Variants in APPL2 observed in about 807,000 individuals in gnomAD.
The protein encoded by APPL2 is DCC-interacting protein 13-beta.
In APPL2, 84 loss-of-function variants were observed where a neutral mutation model predicts 92.7. The observed-to-expected ratio is 0.91, with a 90% CI of 0.76 to 1.09. APPL2 has a LOEUF of 1.09. Ranked by LOEUF, APPL2 falls within the 50% of genes least tolerant of loss-of-function variation. APPL2 has a pLI of 0.00. For missense variants in APPL2, 736 were observed against 824.5 expected (o/e 0.89, Z 1.31); for synonymous variants, 291 against 291.0 (o/e 1.00, Z 0.00).
chr12:105,192,534 TA>T (rs1887304384), intron 14 of APPL2, among the ~76,000 whole-genome samples: 2 of 142,640 alleles, frequency 1.4e-5, no homozygotes, highest in African/African-American at 5.2e-5. Flanking sequence ...GTTCCTCAGA[TA>T]TACTAAGATC....
At chr12:105,222,559 G>T (rs1180276333) in intron 2 of APPL2, among the ~76,000 whole-genome samples, 2 of 152,126 alleles carry the variant, frequency 1.3e-5, no homozygotes, top group Admixed American at 6.5e-5. Flanking sequence ...ATATGAATTT[G>T]GAAATGACAA....
At chr12:105,218,604 C>T (rs567344985) in intron 2 of APPL2, among the ~76,000 whole-genome samples, 3 of 152,142 alleles carry the variant, frequency 2.0e-5, no homozygotes, top group African/African-American at 7.2e-5. Context: ...TGAAGTGGAG[C>T]GTGGCTGGGG....
intron 4 of APPL2, among the ~76,000 whole-genome samples, chr12:105,214,501 T>C (rs575729907): frequency 1.4e-4 from 22 of 152,372 alleles, no homozygotes; most frequent in Admixed American, 1.3e-3. Context: ...GTATCTTTTA[T>C]CCATTTCAAC....
At chr12:105,231,748 C>A (rs536706668) in intron 1 of APPL2, among the ~76,000 whole-genome samples, 1 of 152,204 alleles carries the variant, frequency 6.6e-6, no homozygotes, top group African/African-American at 2.4e-5. Context: ...TTCCTTATAT[C>A]GTGGAAATGC....
At chr12:105,222,553 G>T (rs145371793) in intron 2 of APPL2, among the ~76,000 whole-genome samples, 2 of 152,310 alleles carry the variant, frequency 1.3e-5, no homozygotes, top group East Asian at 3.9e-4. Flanking sequence ...GAGGGGATAT[G>T]AATTTGGAAA....
At chr12:105,223,201 G>A (rs1267412832) in intron 2 of APPL2, among the ~76,000 whole-genome samples, 2 of 152,168 alleles carry the variant, frequency 1.3e-5, no homozygotes, top group East Asian at 1.9e-4. Context: ...AGGGGAAGAC[G>A]TCTTCCTGAC....
intron 20 of APPL2, among the ~76,000 whole-genome samples, chr12:105,175,101 CT>C (rs1165597132): frequency 1.2e-4 from 19 of 152,162 alleles, no homozygotes; most frequent in South Asian, 8.3e-4. Flanking sequence ...CCAGGCTGGT[CT>C]TGAACTCCTG....
chr12:105,194,885 C>A (rs1887508310), intron 14 of APPL2, among the ~76,000 whole-genome samples: 1 of 151,716 alleles, frequency 6.6e-6, no homozygotes, highest in Non-Finnish European at 1.5e-5. Flanking sequence ...ACATAAAAGG[C>A]GATTTTTTTT....
chr12:105,174,496 C>G (rs758370948), intron 20 of APPL2, 48 bp from the exon 21 acceptor site: 7 of 1,577,800 alleles, frequency 4.4e-6, no homozygotes, highest in Non-Finnish European at 6.0e-6. Context: ...GCTTAAGATG[C>G]ATTTAAACCC....
intron 5 of APPL2, among the ~76,000 whole-genome samples, chr12:105,208,743 G>A (rs144724874): frequency 2.1e-4 from 32 of 152,190 alleles, no homozygotes; most frequent in African/African-American, 5.8e-4. Flanking sequence ...CTATTACTCC[G>A]AGTGAGTGCC....
chr12:105,179,284 G>A (rs960054068), intron 17 of APPL2, among the ~76,000 whole-genome samples: 2 of 152,160 alleles, frequency 1.3e-5, no homozygotes, highest in Admixed American at 1.3e-4. Context: ...ATGGTTTCCA[G>A]CTTCATCCAT....
intron 17 of APPL2, among the ~76,000 whole-genome samples, chr12:105,183,590 T>C (rs1886326926): frequency 6.6e-6 from 1 of 152,212 alleles, no homozygotes; most frequent in African/African-American, 2.4e-5. Flanking sequence ...GTGCCCCCAC[T>C]CTTTTCTGGG....
intron 1 of APPL2, 145 bp from the exon 2 acceptor site, chr12:105,229,368 T>C (rs1890754537): frequency 1.1e-6 from 1 of 870,472 alleles, no homozygotes; most frequent in Non-Finnish European, 1.7e-6. Flanking sequence ...CTTTTATTGA[T>C]AGTACCAGTA....
At chr12:105,204,324 C>T (rs1888512559) in intron 8 of APPL2, among the ~76,000 whole-genome samples, 1 of 152,188 alleles carries the variant, frequency 6.6e-6, no homozygotes. Context: ...ATTAACCCGG[C>T]TCGTCTGTCT....
chr12:105,206,996 C>T lies in APPL2; in HGVS notation c.621+65G>A, dbSNP rs1888756215. On this transcript the variant is annotated intron_variant, in intron 8 of 20. Coordinates refer to ENST00000258530, the MANE Select transcript of APPL2 (RefSeq NM_018171.5). ...TACGACGATGCTTCAGTGTCTCCTG[C>T]GTGCCCTCTCAGCAGAACGCCACAG... 4 of 1,557,274 alleles carry T rather than the reference C, an allele frequency of 2.6e-6. No individual in the cohort carries two copies. The South Asian group carries it at 3.6e-5, about 14-fold the overall frequency.
chr12:105,216,664 C>T (rs1011494759), intron 4 of APPL2, among the ~76,000 whole-genome samples: 1 of 152,178 alleles, frequency 6.6e-6, no homozygotes, highest in Non-Finnish European at 1.5e-5. Context: ...GGATTCTCCC[C>T]GGAGCCAACG....
At chr12:105,214,427 T>C (rs1006836909) in intron 4 of APPL2, among the ~76,000 whole-genome samples, 28 of 152,188 alleles carry the variant, frequency 1.8e-4, no homozygotes, top group Middle Eastern at 3.2e-3. Flanking sequence ...TACTGTTCAT[T>C]AAGGAAAACT....
At chr12:105,229,798 G>A in intron 1 of APPL2, 1 of 986,440 alleles carries the variant, frequency 1.0e-6, no homozygotes, top group Non-Finnish European at 1.2e-6. Flanking sequence ...CTTTTTTTGA[G>A]ATGGAGTTTC....
Position 105,186,636 on chromosome 12 carries a change from C to CGATATCATATATTTG in APPL2, c.1634+1636_1634+1637insCAAATATATGATATC, listed in dbSNP as rs1491368321. 7.9e-5 allele frequency among the ~76,000 whole-genome samples: 7 copies of CGATATCATATATTTG among 88,650 alleles called. 1 individual carries two copies. The highest frequency in any genetic ancestry group is 2.3e-4 in the Admixed American group (2 of 8,854). The allele number at this position is 88,650 out of a possible 152,430, so 58.2% of individuals were successfully genotyped here. A position where few individuals can be genotyped will look rare whatever the true frequency, so the allele number is the denominator to read the frequency against. On this transcript the variant is annotated intron_variant, in intron 17 of 20. Coordinates refer to ENST00000258530, the MANE Select transcript of APPL2 (RefSeq NM_018171.5). ...TATATCATATATATATCATATATAT[C>CGATATCATATATTTG]ATATATATGATATCGATATCATATA...
Sources: allele counts gnomAD v4.1 joint callset (sites outside exome capture counted in the v4.1 genomes callset), GRCh38; gene constraint gnomAD v4.1.1; transcripts MANE v1.5; gene names NCBI Gene and HGNC (gene_info 2026-07-23, HGNC 2026-07-21).